The following TRIM37 variants were observed in gnomAD, a reference collection of about 807,000 sequenced individuals.
TRIM37 encodes the protein E3 ubiquitin-protein ligase TRIM37.
In TRIM37, 80 loss-of-function variants were observed where a neutral mutation model predicts 129.8. That is an observed-to-expected ratio of 0.62 (90% CI 0.51 to 0.74). The LOEUF (loss-of-function observed/expected upper bound fraction) is 0.74, where lower values mean the gene tolerates loss of function less well. Among genes scored for constraint, TRIM37 ranks in the 30% least tolerant of loss-of-function variants. TRIM37 has a pLI of 0.00. For synonymous variants in TRIM37, 389 were observed against 387.1 expected, an observed-to-expected ratio of 1.00 and a Z score of -0.06; for missense variants, 1,054 against 1,176.5, an observed-to-expected ratio of 0.90 and a Z score of 1.52.
chr17:59,037,988 T>C (rs886418349), intron 17 of TRIM37, among the ~76,000 whole-genome samples: 2 of 152,074 alleles, frequency 1.3e-5, no homozygotes, highest in African/African-American at 4.8e-5. Context: ...TGTTTGTGGG[T>C]TTTTAGGGGG....
At position 59,089,459 on chromosome 17, in the gene TRIM37, G is replaced by A. The variant is rs532166073; in HGVS notation, c.165-1052C>T. ...AGATCAAGACCATCCTGGCCAACAT[G>A]GTGAAACGCTGTCTCTACTAAAAAT... On this transcript the variant is annotated intron_variant, in intron 3 of 23. Coordinates refer to ENST00000262294, the MANE Select transcript of TRIM37 (RefSeq NM_015294.6). 4.1e-4 allele frequency among the ~76,000 whole-genome samples: 63 copies of A among 152,170 alleles called. No homozygotes were observed. In the East Asian group the frequency reaches 0.012, roughly 29 times the overall value.
intron 2 of TRIM37, among the ~76,000 whole-genome samples, chr17:59,098,547 C>A (rs944571631): frequency 2.0e-5 from 3 of 151,810 alleles, no homozygotes; most frequent in African/African-American, 7.3e-5. Context: ...CACTTGTGGT[C>A]CCAGCTACTC....
rs12945503 is a variant in TRIM37, at chr17:58,992,268, A to T, written c.2891+7113T>A. The stretch of plus-strand genomic sequence containing the variant: ...ACTGATATATATATATATAAATATA[A>T]ATATATATATATTTATATTTATATA... On this transcript the variant is annotated intron_variant, in intron 24 of 24. Coordinates refer to the TRIM37 transcript ENST00000393066. Among the ~76,000 whole-genome samples, 116 of 143,502 alleles carry T rather than the reference A, an allele frequency of 8.1e-4. 1 individual carries two copies. The highest frequency in any genetic ancestry group is 2.6e-4 in the Non-Finnish European group (17 of 66,450). 94.1% of individuals were successfully genotyped at this position (143,502 alleles called of 152,430 possible).
rs1189937629 is a variant in TRIM37, at chr17:59,049,247, A to C, written c.1461T>G (p.Thr487=). Reference sequence around the variant, plus strand: ...CTTTGGCCTCTCTTACAGAAGCTGTAGTAGGACCACCTTCGAGAAGCATGT... The same window carrying C: ...CTTTGGCCTCTCTTACAGAAGCTGTCGTAGGACCACCTTCGAGAAGCATGT... ...CSDMLLEGGP[T]TASVREAKED... The change falls in exon 15 of 24, where the codon ACT becomes ACG. Residue 487 remains threonine, a synonymous_variant. Coordinates refer to ENST00000262294, the MANE Select transcript of TRIM37 (RefSeq NM_015294.6). The C allele has an allele frequency of 6.2e-7, 1 of 1,614,150 alleles. No individual in the cohort carries two copies. The highest frequency in any genetic ancestry group is 1.1e-5 in the South Asian group (1 of 91,086).
chr17:59,079,617 C>A (rs1451950647), intron 7 of TRIM37, 137 bp downstream of exon 7: 1 of 1,063,990 alleles, frequency 9.4e-7, no homozygotes, highest in Non-Finnish European at 1.4e-6. Flanking sequence ...TAACATTTAT[C>A]TGTCTAAATT....
At chr17:59,094,323 T>C (rs2044664670) in intron 2 of TRIM37, among the ~76,000 whole-genome samples, 1 of 152,136 alleles carries the variant, frequency 6.6e-6, no homozygotes, top group South Asian at 2.1e-4. Flanking sequence ...TAAACAAATA[T>C]CTTTAGAGCA....
the TRIM37 span, among the ~76,000 whole-genome samples, chr17:58,967,519 T>TATATAGAG: frequency 6.9e-6 from 1 of 145,114 alleles, no homozygotes; most frequent in African/African-American, 2.6e-5. Flanking sequence ...TATATATATA[T>TATATAGAG]AGAGAGAGAG....
At chr17:59,082,991 T>A (rs1871368562) in intron 5 of TRIM37, among the ~76,000 whole-genome samples, 1 of 152,220 alleles carries the variant, frequency 6.6e-6, no homozygotes, top group South Asian at 2.1e-4. Context: ...ACATACTGAC[T>A]GATGCCCACA....
Position 59,015,751 on chromosome 17 carries a change from G to C in TRIM37, c.2435C>G (p.Ala812Gly). Residue 812 changes from alanine to glycine, a missense_variant, in exon 21 of 24, where the codon GCC (alanine) becomes GGC (glycine). Around this residue, in one of 3 missense-constraint regions of TRIM37, gnomAD observed 287 missense variants for 274.3 expected, o/e 1.05. Transcript: ENST00000262294. The stretch of plus-strand genomic sequence containing the variant: ...ATCACCGATACTGCCATGTATCAAG[G>C]CTCGGGGAGAACTGTGCCTGCTCCC... Reference protein sequence around the residue: ...QSGSRHSSPRALIHGSIGDIL... With the variant: ...QSGSRHSSPRGLIHGSIGDIL... 6.2e-7 allele frequency: 1 copy of C among 1,613,920 alleles called. No homozygotes were observed. Among genetic ancestry groups the C allele is most frequent in the South Asian group, 1.1e-5 (1 of 91,064 alleles).
intron 24 of TRIM37, among the ~76,000 whole-genome samples, chr17:58,986,158 T>A (rs1236446350): frequency 6.6e-6 from 1 of 151,432 alleles, no homozygotes; most frequent in Non-Finnish European, 1.5e-5. Context: ...TAACTGAGCA[T>A]TCCCCCCCAC....
chr17:59,081,941 AAAAAAAAAAAAT>A (rs1209413063), intron 5 of TRIM37, among the ~76,000 whole-genome samples: 4 of 99,502 alleles, frequency 4.0e-5, no homozygotes, highest in African/African-American at 8.6e-5. Context: ...AAAAACCAAA[AAAAAAAAAAAAT>A]AAAAAAAAAA....
At chr17:58,982,930 A>G in intron 24 of TRIM37, 1 of 1,574,844 alleles carries the variant, frequency 6.3e-7, no homozygotes, top group African/African-American at 1.3e-5. Context: ...ATCTAAGAAA[A>G]CAAGAAAACA....
intron 2 of TRIM37, among the ~76,000 whole-genome samples, chr17:59,091,652 T>TTA (rs2044398584): frequency 7.3e-6 from 1 of 136,602 alleles, no homozygotes; most frequent in Non-Finnish European, 1.5e-5. Flanking sequence ...TATATAATAT[T>TTA]TATATATATA....
intron 8 of TRIM37, among the ~76,000 whole-genome samples, chr17:59,074,967 T>C (rs1041481177): frequency 6.6e-6 from 1 of 152,154 alleles, no homozygotes; most frequent in Non-Finnish European, 1.5e-5. Flanking sequence ...CCTCAATAAA[T>C]AAAAATGCTA....
At chr17:59,050,745 C>T (rs1313037410) in intron 14 of TRIM37, among the ~76,000 whole-genome samples, 3 of 152,136 alleles carry the variant, frequency 2.0e-5, no homozygotes, top group Admixed American at 1.3e-4. Context: ...TTTGGGAGGC[C>T]GAGGTGGGCA....
intron 23 of TRIM37, among the ~76,000 whole-genome samples, chr17:59,000,882 A>G (rs2033634960): frequency 6.6e-6 from 1 of 152,160 alleles, no homozygotes; most frequent in Admixed American, 6.5e-5. Context: ...ATTGTAGGCC[A>G]CAAATGGACT....
At chr17:59,073,872 A>G (rs769746374) in intron 8 of TRIM37, among the ~76,000 whole-genome samples, 4 of 152,222 alleles carry the variant, frequency 2.6e-5, no homozygotes, top group Non-Finnish European at 4.4e-5. Context: ...CTTCACGGGT[A>G]CTAGCACATA....
intron 13 of TRIM37, among the ~76,000 whole-genome samples, chr17:59,056,588 G>A (rs1568117412): frequency 6.6e-6 from 1 of 150,890 alleles, no homozygotes; most frequent in Non-Finnish European, 1.5e-5. Flanking sequence ...AAATTAGCCA[G>A]GCGTGGTGGC....
intron 17 of TRIM37, among the ~76,000 whole-genome samples, chr17:59,037,949 G>T (rs2038738244): frequency 6.6e-6 from 1 of 152,106 alleles, no homozygotes. Context: ...TCAATTAAGG[G>T]TATGATTTTT....
Sources: allele counts gnomAD v4.1 joint callset (sites outside exome capture counted in the v4.1 genomes callset), GRCh38; gene constraint gnomAD v4.1.1; regional missense constraint gnomAD v4.1.1; transcripts MANE v1.5; gene names NCBI Gene and HGNC (gene_info 2026-07-23, HGNC 2026-07-21).